SELP: variants seen among roughly 807,000 people sequenced by gnomAD.
SELP encodes P-selectin.
In SELP, 92 loss-of-function variants were observed where a neutral mutation model predicts 104.1. That is an observed-to-expected ratio of 0.88 (90% CI 0.75 to 1.05). The LOEUF (loss-of-function observed/expected upper bound fraction) is 1.05, where lower values mean the gene tolerates loss of function less well. SELP is among the 50% of genes least tolerant of loss of function. The pLI is 0.00. For synonymous variants in SELP, 397 were observed against 364.5 expected, an observed-to-expected ratio of 1.09 and a Z score of -1.01; for missense variants, 1,022 against 1,017.3, an observed-to-expected ratio of 1.00 and a Z score of -0.06.
chr1:169,609,703 G>T lies in SELP; in HGVS notation c.1148-14C>A. 1.2e-6 allele frequency: 2 copies of T among 1,601,498 alleles called. No homozygotes were observed. Among genetic ancestry groups the T allele is most frequent in the Non-Finnish European group, 1.7e-6 (2 of 1,173,634 alleles). ...CACACGAAATAGCTAAGTGGAAAAG[G>T]TATCTTCTAAAGCCAGGTAATGGAA... On this transcript the variant is annotated splice_polypyrimidine_tract_variant and intron_variant, in intron 7 of 16. Transcript: ENST00000263686.
intron 9 of SELP, among the ~76,000 whole-genome samples, chr1:169,606,239 C>T (rs1662186649): frequency 6.6e-6 from 1 of 152,166 alleles, no homozygotes; most frequent in Admixed American, 6.5e-5. Context: ...ATTGCTTGAA[C>T]CCGGGAGGCG....
intron 9 of SELP, among the ~76,000 whole-genome samples, chr1:169,604,277 T>C (rs868062035): frequency 6.6e-6 from 1 of 152,014 alleles, no homozygotes; most frequent in African/African-American, 2.4e-5. Context: ...TCATATCCTT[T>C]GCCCACTTTT....
intron 7 of SELP, among the ~76,000 whole-genome samples, chr1:169,611,225 G>A (rs3917734): frequency 0.19 from 28,200 of 152,098 alleles, 3,458 homozygotes; most frequent in Middle Eastern, 0.29. Context: ...CCTATACCTC[G>A]GATATGTCAG....
intron 15 of SELP, among the ~76,000 whole-genome samples, chr1:169,590,601 T>C (rs1661312108): frequency 6.6e-6 from 1 of 152,112 alleles, no homozygotes; most frequent in South Asian, 2.1e-4. Flanking sequence ...TCTTCCGATA[T>C]TGAGTGGGTA....
intron 9 of SELP, among the ~76,000 whole-genome samples, chr1:169,605,897 G>A (rs1662167921): frequency 6.6e-6 from 1 of 152,118 alleles, no homozygotes; most frequent in Non-Finnish European, 1.5e-5. Context: ...ATACATTGAG[G>A]GGGAAAAAGC....
At chr1:169,616,982 G>T (rs906083875) in intron 3 of SELP, 46 bp downstream of exon 3, 18 of 1,094,000 alleles carry the variant, frequency 1.6e-5, no homozygotes, top group South Asian at 9.1e-5. Context: ...AGAAGGCAGG[G>T]TTTTTTTTTT....
chr1:169,626,771 T>C (rs1202722716), intron 1 of SELP, among the ~76,000 whole-genome samples: 1 of 152,138 alleles, frequency 6.6e-6, no homozygotes, highest in Admixed American at 6.5e-5. Flanking sequence ...CTGGGTTCAC[T>C]GAAACCTCCA....
chr1:169,626,240 C>T (rs1249855206), intron 1 of SELP, among the ~76,000 whole-genome samples: 1 of 152,186 alleles, frequency 6.6e-6, no homozygotes, highest in Non-Finnish European at 1.5e-5. Context: ...TCACATCGGG[C>T]TTTGGGATCC....
At chr1:169,593,087 A>C (rs1661425232) in intron 14 of SELP, among the ~76,000 whole-genome samples, 1 of 152,150 alleles carries the variant, frequency 6.6e-6, no homozygotes, top group Admixed American at 6.6e-5. Flanking sequence ...GTCCTAACAC[A>C]CTTACTACAC....
chr1:169,590,206 A>C lies in SELP; in HGVS notation c.2439-4T>G. On this transcript the variant is annotated splice_polypyrimidine_tract_variant and splice_region_variant and intron_variant, in intron 15 of 16. Transcript: ENST00000263686. ...AACTCCATATGTTCCTAGGTGGCTA[A>C]AGAACAGAAACACAAGGATGGCAAC... 1 of 1,611,662 alleles carries C rather than the reference A, an allele frequency of 6.2e-7. No homozygotes were observed. Among genetic ancestry groups the C allele is most frequent in the Non-Finnish European group, 8.5e-7 (1 of 1,177,796 alleles).
At chr1:169,603,303 CTCTCTGTGTGTG>C in intron 9 of SELP, 92 bp from the exon 10 acceptor site, 2 of 694,646 alleles carry the variant, frequency 2.9e-6, no homozygotes, top group Non-Finnish European at 4.3e-6. Context: ...CTCCCTCTCT[CTCTCTGTGTGTG>C]TGTGTGTGTG....
intron 1 of SELP, among the ~76,000 whole-genome samples, chr1:169,622,345 T>C (rs1663180149): frequency 6.6e-6 from 1 of 152,212 alleles, no homozygotes; most frequent in Non-Finnish European, 1.5e-5. Flanking sequence ...ATTTGGGGCA[T>C]ATAACTTGGA....
chr1:169,629,956 A>G, intron 1 of SELP, 116 bp downstream of exon 1: 1 of 1,368,562 alleles, frequency 7.3e-7, no homozygotes, highest in Non-Finnish European at 1.0e-6. Context: ...GCAATTCAAC[A>G]TAAAACTCCA....
Position 169,613,693 on chromosome 1 carries a change from G to C in SELP, c.482C>G (p.Ala161Gly), listed in dbSNP as rs778797710. The C allele has an allele frequency of 1.9e-5, 30 of 1,613,194 alleles. No homozygotes were observed. The East Asian group carries it at 6.0e-4, about 32-fold the overall frequency. ...GCTGCAGGACATGTCCTGGCAGGAGGCTGCATAGATATGGAAAGGTCAGAG... is the reference window on the plus strand; with the variant it reads ...GCTGCAGGACATGTCCTGGCAGGAGCCTGCATAGATATGGAAAGGTCAGAG... ...LKKKHALCYT[A>G]SCQDMSCSKQ... Residue 161 changes from alanine (A) to glycine (G), a missense_variant and splice_region_variant, in exon 4 of 17, where the codon GCC (alanine) becomes GGC (glycine). Transcript: ENST00000263686.
At position 169,608,062 on chromosome 1, in the gene SELP, T is replaced by A. The variant is rs552533152; in HGVS notation, c.1334-928A>T. 2.0e-5 allele frequency among the ~76,000 whole-genome samples: 3 copies of A among 152,232 alleles called. No homozygotes were observed. The East Asian group carries it at 5.8e-4, about 29-fold the overall frequency. ...GCTCATTGTGTCTTTTTCTCCCAGA[T>A]AACATATACAATACATTCCATAACT... On this transcript the variant is annotated intron_variant, in intron 8 of 16. Transcript: ENST00000263686.
intron 15 of SELP, among the ~76,000 whole-genome samples, chr1:169,590,491 T>C (rs1447863206): frequency 6.6e-6 from 1 of 152,218 alleles, no homozygotes; most frequent in East Asian, 1.9e-4. Flanking sequence ...CAAGAGGTAG[T>C]TACAAAATTC....
chr1:169,599,419 T>G lies in SELP; in HGVS notation c.1706-2243A>C, dbSNP rs534762796. Among the ~76,000 whole-genome samples the G allele has an allele frequency of 7.9e-5, 12 of 152,292 alleles. No individual in the cohort carries two copies. In the South Asian group the frequency reaches 2.5e-3, roughly 32 times the overall value. ...GAAAACAGATAAGGTTTGCATTTAT[T>G]GCACGCTTAGTGTTCTATTTTCACT... On this transcript the variant is annotated intron_variant, in intron 10 of 16. Coordinates refer to ENST00000263686, the MANE Select transcript of SELP (RefSeq NM_003005.4).
chr1:169,605,652 A>G (rs530336672), intron 9 of SELP, among the ~76,000 whole-genome samples: 1 of 152,310 alleles, frequency 6.6e-6, no homozygotes, highest in African/African-American at 2.4e-5. Context: ...TCTTTTACCC[A>G]TTCAACTTTA....
chr1:169,628,815 A>G (rs1234695228), intron 1 of SELP, among the ~76,000 whole-genome samples: 3 of 152,246 alleles, frequency 2.0e-5, no homozygotes, highest in African/African-American at 7.2e-5. Context: ...GCAAAAAGAC[A>G]GGACAAAAGT....
Sources: allele counts gnomAD v4.1 joint callset (sites outside exome capture counted in the v4.1 genomes callset), GRCh38; gene constraint gnomAD v4.1.1; transcripts MANE v1.5; gene names NCBI Gene and HGNC (gene_info 2026-07-23, HGNC 2026-07-21).